The following TUBGCP3 variants were observed in gnomAD, a reference collection of about 807,000 sequenced individuals.
TUBGCP3 encodes tubulin gamma complex component 3.
Under a neutral mutation model 123.1 loss-of-function variants are expected in TUBGCP3, and 50 were observed. The ratio of observed to expected loss-of-function variants is 0.41; its 90% confidence interval spans 0.32 to 0.51. TUBGCP3 has a LOEUF of 0.51. TUBGCP3 is among the 20% of genes least tolerant of loss of function. TUBGCP3 has a pLI of 0.36. For synonymous variants in TUBGCP3, 405 were observed against 413.9 expected (o/e 0.98, Z 0.26); for missense variants, 882 against 1,127.0 (o/e 0.78, Z 3.11).
At chr13:112,569,059 C>CTA in intron 2 of TUBGCP3, 93 bp downstream of exon 2, 1 of 1,157,370 alleles carries the variant, frequency 8.6e-7, no homozygotes, top group Non-Finnish European at 1.2e-6. Flanking sequence ...CGCTTGGGAA[C>CTA]TACATACACA....
chr13:112,502,542 C>CTTTTTTTT (rs10710530), intron 19 of TUBGCP3, among the ~76,000 whole-genome samples: 6 of 114,370 alleles, frequency 5.2e-5, no homozygotes, highest in African/African-American at 7.1e-5. Context: ...TACATTTCTT[C>CTTTTTTTT]TTTTTTTTTT....
chr13:112,528,963 C>T (rs1877349562), intron 11 of TUBGCP3, among the ~76,000 whole-genome samples: 1 of 152,118 alleles, frequency 6.6e-6, no homozygotes, highest in Non-Finnish European at 1.5e-5. Context: ...GCCATCCTCC[C>T]ACCTCAGCCT....
At chr13:112,540,428 G>C (rs1412744028) in intron 11 of TUBGCP3, among the ~76,000 whole-genome samples, 4 of 143,368 alleles carry the variant, frequency 2.8e-5, no homozygotes, top group Non-Finnish European at 6.1e-5. Context: ...AGGTGGTCTT[G>C]GGAAAGGACA....
At chr13:112,592,789 G>A (rs537659090), upstream of TUBGCP3, among the ~76,000 whole-genome samples, 34 of 152,252 alleles carry the variant, frequency 2.2e-4, no homozygotes, top group African/African-American at 7.7e-4. The surrounding 1 kb of genome is among the most constrained non-coding windows in gnomAD (Gnocchi z 4.1). Flanking sequence ...GTCCTTCCCC[G>A]CAACAGCCTT....
intron 3 of TUBGCP3, 83 bp from the exon 4 acceptor site, chr13:112,559,482 C>A: frequency 8.9e-7 from 1 of 1,120,416 alleles, no homozygotes; most frequent in Non-Finnish European, 1.2e-6. Context: ...ACTATATTTC[C>A]AAACTAGAAA....
chr13:112,601,481 G>A, the TUBGCP3 span, among the ~76,000 whole-genome samples: 13 of 152,314 alleles, frequency 8.5e-5, no homozygotes, highest in East Asian at 1.7e-3. Context: ...AGTTCCCCGC[G>A]GCTCTGGCCA....
At chr13:112,488,261 A>G (rs893468563) in intron 21 of TUBGCP3, among the ~76,000 whole-genome samples, 2 of 151,960 alleles carry the variant, frequency 1.3e-5, no homozygotes, top group African/African-American at 4.8e-5. Context: ...ACGATGTTGG[A>G]GGGCTGGAGG....
At chr13:112,553,268 T>G (rs992967404) in intron 8 of TUBGCP3, among the ~76,000 whole-genome samples, 42 of 151,932 alleles carry the variant, frequency 2.8e-4, no homozygotes, top group Non-Finnish European at 2.7e-4. Flanking sequence ...AGCCATGCTC[T>G]TCTCCATCAG....
intron 21 of TUBGCP3, among the ~76,000 whole-genome samples, chr13:112,489,224 G>A (rs1879905172): frequency 6.7e-6 from 1 of 149,312 alleles, no homozygotes; most frequent in Non-Finnish European, 1.5e-5. Context: ...CCACAGGGGA[G>A]CACAGGGGCC....
intron 2 of TUBGCP3, among the ~76,000 whole-genome samples, chr13:112,567,172 C>T (rs1302371545): frequency 6.6e-6 from 1 of 152,224 alleles, no homozygotes; most frequent in African/African-American, 2.4e-5. Context: ...GCACCTGAGT[C>T]AGTCAATACA....
intron 11 of TUBGCP3, among the ~76,000 whole-genome samples, chr13:112,530,543 C>T (rs1339244590): frequency 5.3e-5 from 8 of 152,234 alleles, no homozygotes; most frequent in Admixed American, 4.6e-4. Flanking sequence ...GGGTGTGAAA[C>T]GCACTTGTGC....
rs566081551 is a variant in TUBGCP3 at position 112,527,832 on chromosome 13, A to C, written c.1336-348T>G. Among the ~76,000 whole-genome samples, 9 of 152,340 alleles carry C rather than the reference A, an allele frequency of 5.9e-5. No individual in the cohort carries two copies. In the South Asian group the frequency reaches 6.2e-4, roughly 11 times the overall value. The stretch of plus-strand genomic sequence containing the variant: ...TTTGGGGTTCCCCTCCCTCACAGGC[A>C]GCAGCTGTGTGTCTCCTCCCATCAG... On this transcript the variant is annotated intron_variant, in intron 11 of 21. Transcript: ENST00000261965.
intron 20 of TUBGCP3, chr13:112,498,667 A>G (rs1196204819): frequency 1.0e-5 from 12 of 1,152,360 alleles, no homozygotes; most frequent in Non-Finnish European, 1.3e-5. Context: ...GTAGATGCAC[A>G]CGTTTGCAAA....
At chr13:112,544,202 C>T (rs1258274818) in intron 11 of TUBGCP3, among the ~76,000 whole-genome samples, 4 of 151,950 alleles carry the variant, frequency 2.6e-5, no homozygotes, top group South Asian at 2.1e-4. Context: ...GCCTGTAATC[C>T]CAGCACTTTG....
In TUBGCP3 at chr13:112,522,782, C is replaced by T. The variant is rs148721377; in HGVS notation, c.1556-273G>A. 9.3e-4 allele frequency among the ~76,000 whole-genome samples: 141 copies of T among 152,296 alleles called. 1 individual carries two copies. In the Middle Eastern group the frequency reaches 0.014, roughly 15 times the overall value. The stretch of plus-strand genomic sequence containing the variant: ...AATCCCTTAATACACTGTAACTAAC[C>T]GTAAATCTCACCAAAACACACTGGT... On this transcript the variant is annotated intron_variant, in intron 13 of 21. Transcript: ENST00000261965.
Position 112,486,026 on chromosome 13 carries a change from C to A in TUBGCP3, c.2691G>T (p.Leu897=), listed in dbSNP as rs933658375. The change falls in exon 22 of 22, where the codon CTG becomes CTT. Residue 897 remains leucine, a synonymous_variant. Coordinates refer to ENST00000261965, the MANE Select transcript of TUBGCP3 (RefSeq NM_006322.6). ...GGGAGCTGCGCCGCCCCCTGGTACC[C>A]AGAGACACACGGAGCCTGGGCTCCC... The part of the protein sequence containing the change: ...KAREPRLRVS[L]GTRGRRSSHT The A allele has an allele frequency of 1.2e-6, 2 of 1,607,814 alleles. No homozygotes were observed. The highest frequency in any genetic ancestry group is 2.7e-5 in the African/African-American group (2 of 74,906).
intron 17 of TUBGCP3, among the ~76,000 whole-genome samples, chr13:112,513,798 A>C (rs948730601): frequency 1.3e-5 from 2 of 152,252 alleles, no homozygotes; most frequent in Non-Finnish European, 2.9e-5. Flanking sequence ...AAAAGGAAAT[A>C]TGGTAGTCCC....
At chr13:112,516,049 A>C (rs1039791893) in intron 17 of TUBGCP3, among the ~76,000 whole-genome samples, 2 of 152,258 alleles carry the variant, frequency 1.3e-5, no homozygotes, top group Non-Finnish European at 2.9e-5. Flanking sequence ...TTATAACATT[A>C]AAATAATCTT....
Position 112,587,914 on chromosome 13 carries a change from T to C in TUBGCP3, c.67A>G (p.Arg23Gly). 6.3e-7 allele frequency: 1 copy of C among 1,593,080 alleles called. No homozygotes were observed. The highest frequency in any genetic ancestry group is 1.1e-5 in the South Asian group (1 of 88,256). Residue 23 changes from arginine to glycine, a missense_variant, in exon 1 of 22, where the codon AGG becomes GGG. Physicochemically the swap from Arg to Gly is moderately radical, Grantham distance 125 (BLOSUM62 -2). This residue lies in a region of TUBGCP3 where 713 missense variants were observed against 874.0 expected (regional missense o/e 0.82). Coordinates refer to ENST00000261965, the MANE Select transcript of TUBGCP3 (RefSeq NM_006322.6). The stretch of plus-strand genomic sequence containing the variant: ...CGCCCGGCCACTCTACCTTCGCTCC[T>C]GCCCAGGATCCTGCAGCACAGGTTC... ...LQNLCCRILGRSEADVAQQFQ... is the reference protein window; with the variant it reads ...LQNLCCRILGGSEADVAQQFQ...
Sources: gnomAD v4.1 joint callset for allele counts (sites outside exome capture counted in the v4.1 genomes callset) on GRCh38, gnomAD v4.1.1 for gene constraint, gnomAD v4.1.1 regional missense constraint, Gnocchi (gnomAD v3.1) non-coding constraint, MANE v1.5 for transcripts, NCBI Gene and HGNC (gene_info 2026-07-23, HGNC 2026-07-21) for gene names.